The following CTNNA2 variants were observed in gnomAD, a reference collection of about 807,000 sequenced individuals.
CTNNA2 encodes the protein catenin alpha-2.
A neutral mutation model predicts 101.0 loss-of-function variants in CTNNA2; 42 were observed. That is an observed-to-expected ratio of 0.42 (90% CI 0.32 to 0.54). The LOEUF is 0.54. Among genes scored for constraint, CTNNA2 ranks in the 20% least tolerant of loss-of-function variants. CTNNA2 has a pLI of 0.14. For synonymous variants in CTNNA2, 450 were observed against 456.4 expected (o/e 0.99, Z 0.18); for missense variants, 871 against 1,223.1 (o/e 0.71, Z 4.29).
intron 7 of CTNNA2, among the ~76,000 whole-genome samples, chr2:80,320,243 A>T (rs1183759256): frequency 6.6e-6 from 1 of 152,234 alleles, no homozygotes; most frequent in African/African-American, 2.4e-5. Flanking sequence ...GCTATGAGAT[A>T]ATTTTATTGT....
intron 2 of CTNNA2, among the ~76,000 whole-genome samples, chr2:79,237,918 T>C (rs1407277965): frequency 1.3e-5 from 2 of 152,216 alleles, no homozygotes; most frequent in Non-Finnish European, 2.9e-5. Context: ...ACTTTCTCCA[T>C]ATCAACAATA....
chr2:80,271,624 G>T (rs1039120633), intron 7 of CTNNA2, among the ~76,000 whole-genome samples: 2 of 152,042 alleles, frequency 1.3e-5, no homozygotes, highest in Admixed American at 1.3e-4. Context: ...GGGTTTCACC[G>T]TGTTAGCCAG....
chr2:80,593,770 A>G (rs975624690), intron 15 of CTNNA2, among the ~76,000 whole-genome samples: 1 of 152,190 alleles, frequency 6.6e-6, no homozygotes, highest in Non-Finnish European at 1.5e-5. Context: ...TAATGTCTTC[A>G]AAGTTCATGC....
intron 2 of CTNNA2, among the ~76,000 whole-genome samples, chr2:79,727,912 AT>A (rs951305734): frequency 3.2e-4 from 48 of 152,030 alleles, no homozygotes; most frequent in African/African-American, 1.2e-3. Context: ...TGAACTCATC[AT>A]TTTTTATGGC....
chr2:79,546,887 A>T (rs1673765635), intron 1 of CTNNA2, among the ~76,000 whole-genome samples: 1 of 152,216 alleles, frequency 6.6e-6, no homozygotes, highest in Admixed American at 6.5e-5. Flanking sequence ...GTATCTCAAC[A>T]ACTTGCCTAT....
Position 80,250,958 on chromosome 2 carries a change from A to C in CTNNA2, c.1057-142253A>C, listed in dbSNP as rs149190455. Among the ~76,000 whole-genome samples, 12 of 152,238 alleles carry C rather than the reference A, an allele frequency of 7.9e-5. No individual in the cohort carries two copies. The East Asian group carries it at 2.3e-3, about 29-fold the overall frequency. ...ACAAATACTTCAAGGGGAAAAATTA[A>C]CTCTAGAGTAGTCATCAACTTATGG... On this transcript the variant is annotated intron_variant, in intron 7 of 18. Coordinates refer to ENST00000402739, the MANE Select transcript of CTNNA2 (RefSeq NM_001282597.3).
At chr2:80,625,516 G>T (rs1671591272) in intron 18 of CTNNA2, among the ~76,000 whole-genome samples, 1 of 151,994 alleles carries the variant, frequency 6.6e-6, no homozygotes, top group South Asian at 2.1e-4. Context: ...TTCTCCAACA[G>T]CATGGTGTAC....
intron 7 of CTNNA2, chr2:80,298,425 G>A (rs998809408): frequency 6.6e-6 from 1 of 152,152 alleles, no homozygotes; most frequent in Non-Finnish European, 1.5e-5. Flanking sequence ...ATGTGATGAT[G>A]TTCCTTCTAC....
At chr2:79,967,724 A>G (rs1489290718) in intron 7 of CTNNA2, among the ~76,000 whole-genome samples, 1 of 152,148 alleles carries the variant, frequency 6.6e-6, no homozygotes, top group Non-Finnish European at 1.5e-5. Context: ...CTAAGTATAT[A>G]CTCCAAAGAA....
At chr2:79,704,856 G>A (rs1031730778) in intron 2 of CTNNA2, among the ~76,000 whole-genome samples, 1 of 151,958 alleles carries the variant, frequency 6.6e-6, no homozygotes, top group Non-Finnish European at 1.5e-5. Flanking sequence ...CCCCTTTCAA[G>A]CAGAGCCCTG....
At chr2:80,185,190 T>G (rs551756838) in intron 7 of CTNNA2, among the ~76,000 whole-genome samples, 1 of 152,330 alleles carries the variant, frequency 6.6e-6, no homozygotes, top group East Asian at 1.9e-4. Context: ...GTGTGGTTAT[T>G]GGCAGGATTT....
chr2:79,980,181 G>T (rs1357190945), intron 7 of CTNNA2, among the ~76,000 whole-genome samples: 1 of 152,080 alleles, frequency 6.6e-6, no homozygotes, highest in Admixed American at 6.6e-5. Flanking sequence ...AGTAAACTAT[G>T]CAGGAGAAAA....
intron 7 of CTNNA2, among the ~76,000 whole-genome samples, chr2:79,991,829 G>A (rs530132021): frequency 6.6e-6 from 1 of 152,262 alleles, no homozygotes; most frequent in Admixed American, 6.5e-5. Flanking sequence ...GAGATGATTT[G>A]AGGAGTGCCA....
At chr2:80,446,569 T>G (rs982468120) in intron 9 of CTNNA2, among the ~76,000 whole-genome samples, 1 of 152,220 alleles carries the variant, frequency 6.6e-6, no homozygotes, top group African/African-American at 2.4e-5. Flanking sequence ...CTTCTAGTTT[T>G]CTTTGATATC....
chr2:80,594,201 G>A (rs1336001360), intron 15 of CTNNA2, among the ~76,000 whole-genome samples: 1 of 151,964 alleles, frequency 6.6e-6, no homozygotes, highest in African/African-American at 2.4e-5. Flanking sequence ...GATGTGAAGT[G>A]GTGTCTCATG....
chr2:80,487,295 A>G (rs925930905), intron 9 of CTNNA2, among the ~76,000 whole-genome samples: 8 of 151,806 alleles, frequency 5.3e-5, no homozygotes, highest in African/African-American at 1.9e-4. Context: ...AAAAAAAAAA[A>G]AAAAGTGCAC....
intron 7 of CTNNA2, among the ~76,000 whole-genome samples, chr2:79,925,550 A>G (rs2104397482): frequency 6.6e-6 from 1 of 152,270 alleles, no homozygotes; most frequent in East Asian, 1.9e-4. Flanking sequence ...CTAGCAAATC[A>G]CATATAGTTT....
At chr2:80,149,420 T>C (rs1312026741) in intron 7 of CTNNA2, among the ~76,000 whole-genome samples, 2 of 152,156 alleles carry the variant, frequency 1.3e-5, no homozygotes, top group Admixed American at 1.3e-4. Flanking sequence ...GATGGACATG[T>C]ACATACACAT....
At chr2:80,029,540 G>A (rs1274031017) in intron 7 of CTNNA2, 2 of 152,070 alleles carry the variant, frequency 1.3e-5, no homozygotes, top group Non-Finnish European at 2.9e-5. Flanking sequence ...TAGGACCAAG[G>A]GACCAGTTTA....
Sources: gnomAD v4.1 joint callset for allele counts (sites outside exome capture counted in the v4.1 genomes callset) on GRCh38, gnomAD v4.1.1 for gene constraint, MANE v1.5 for transcripts, NCBI Gene and HGNC (gene_info 2026-07-23, HGNC 2026-07-21) for gene names.